Variants in HECTD3 observed in about 807,000 individuals in gnomAD.
HECTD3 encodes the protein E3 ubiquitin-protein ligase HECTD3.
A neutral mutation model predicts 109.3 loss-of-function variants in HECTD3; 72 were observed. The observed-to-expected ratio is 0.66, with a 90% CI of 0.54 to 0.80. The LOEUF is 0.80. Ranked by LOEUF, HECTD3 falls within the 30% of genes least tolerant of loss-of-function variation. HECTD3 has a pLI of 0.00. For missense variants in HECTD3, 1,041 were observed against 1,165.2 expected, an observed-to-expected ratio of 0.89 and a Z score of 1.55; for synonymous variants, 481 against 471.8, an observed-to-expected ratio of 1.02 and a Z score of -0.25.
rs1342812178 is a variant in HECTD3, at chr1:45,010,662, G to C, written c.414C>G (p.Gly138=). Reference sequence around the variant, plus strand: ...CCGCCGGGCGGCACACCAGCAGCCAGCCTTCCTGCAGCCCGCAGTCGCCCA... The same window carrying C: ...CCGCCGGGCGGCACACCAGCAGCCACCCTTCCTGCAGCCCGCAGTCGCCCA... ...EHLGDCGLQE[G]WLLVCRPAEG... Residue 138 remains glycine (G), a synonymous_variant, in exon 2 of 21, where the codon GGC becomes GGG. Transcript: ENST00000372172. 6 of 1,591,204 alleles carry C rather than the reference G, an allele frequency of 3.8e-6. No homozygotes were observed. Among genetic ancestry groups the C allele is most frequent in the African/African-American group, 1.3e-5 (1 of 74,562 alleles).
chr1:45,002,578 A>G lies in HECTD3; in HGVS notation c.*914T>C, dbSNP rs1422354766. On this transcript the variant is annotated 3_prime_UTR_variant, in exon 21 of 21. Transcript: ENST00000372172. ...TCATCCATTTATTCAACTTTCCGGT[A>G]TGCAAGAACTTCTTTTCATGGAGTG... 2.0e-5 allele frequency: 3 copies of G among 152,282 alleles called. No individual in the cohort carries two copies. 9.4% of individuals were successfully genotyped at this position (152,282 alleles called of 1,614,324 possible).
Position 45,011,196 on chromosome 1 carries a change from C to A in HECTD3, c.62G>T (p.Arg21Leu). The A allele has an allele frequency of 6.8e-7, 1 of 1,464,256 alleles. No homozygotes were observed. The allele number at this position is 1,464,256 out of a possible 1,614,324, so 90.7% of individuals were successfully genotyped here. A position where few individuals can be genotyped will look rare whatever the true frequency, so the allele number is the denominator to read the frequency against. Residue 21 changes from arginine to leucine, a missense_variant, in exon 1 of 21, where the codon CGC (arginine) becomes CTC (leucine). Physicochemically the swap from Arg to Leu is moderately radical, Grantham distance 102. Coordinates refer to ENST00000372172, the MANE Select transcript of HECTD3 (RefSeq NM_024602.6). ...ESPRQLLGRV[R>L]FLAEAARSLR... The stretch of plus-strand genomic sequence containing the variant: ...GCTCCGCGCTGCCTCTGCCAAGAAG[C>A]GCACGCGGCCCAGCAGCTGCCGGGG...
In HECTD3 at chr1:45,009,157, G is replaced by A. The variant is rs780488393; in HGVS notation, c.1059C>T (p.Ile353=). ...CTTAAACCTCACCTCGGCACTCCAC[G>A]ATGCGGATCTCGATGATCGGGAGGT... ...TVHLPIIEIR[I]VECRDDGIDV... Residue 353 remains isoleucine (I), a synonymous_variant, in exon 7 of 21, where the codon ATC becomes ATT. Transcript: ENST00000372172. The A allele has an allele frequency of 3.7e-6, 6 of 1,613,728 alleles. No individual in the cohort carries two copies. Among genetic ancestry groups the A allele is most frequent in the South Asian group, 1.1e-5 (1 of 91,060 alleles).
intron 2 of HECTD3, 37 bp downstream of exon 2, chr1:45,010,509 C>A (rs1644779255): frequency 1.2e-6 from 2 of 1,611,932 alleles, no homozygotes; most frequent in Non-Finnish European, 1.7e-6. Context: ...CTGGCCCGGC[C>A]TTCTGACAGC....
Position 45,005,787 on chromosome 1 carries a change from T to A in HECTD3, c.1935+7A>T. 1.3e-6 allele frequency: 2 copies of A among 1,579,772 alleles called. No homozygotes were observed. The highest frequency in any genetic ancestry group is 8.6e-7 in the Non-Finnish European group (1 of 1,164,920). On this transcript the variant is annotated splice_region_variant and intron_variant, in intron 15 of 20. Coordinates refer to ENST00000372172, the MANE Select transcript of HECTD3 (RefSeq NM_024602.6). ...CAGAGGAAACACTGGTTCCAGGTCC[T>A]ACTCACCAGCACAGAGTCCACAGCT...
In HECTD3 at chr1:45,007,396, C is replaced by T; in HGVS notation, c.1503+17G>A. The T allele has an allele frequency of 6.2e-7, 1 of 1,613,702 alleles. No homozygotes were observed. Among genetic ancestry groups the T allele is most frequent in the Non-Finnish European group, 8.5e-7 (1 of 1,179,776 alleles). ...CTTGACTGATCCTATCTCAGTCGGA[C>T]CCTAGGTGGTGCAGACCTGGGTGAA... On this transcript the variant is annotated intron_variant, in intron 10 of 20. Transcript: ENST00000372172.
At position 45,009,642 on chromosome 1, in the gene HECTD3, A is replaced by G. The variant is rs546840543; in HGVS notation, c.801T>C (p.Asp267=). 2 of 1,614,106 alleles carry G rather than the reference A, an allele frequency of 1.2e-6. No individual in the cohort carries two copies. Among genetic ancestry groups the G allele is most frequent in the East Asian group, 2.2e-5 (1 of 44,880 alleles). The change falls in exon 5 of 21, where the codon GAT becomes GAC. Residue 267 remains aspartate (D), a synonymous_variant. Transcript: ENST00000372172. ...GGGACCCATCGCTCTCCCAGTAGGT[A>G]TCGGCATTGCTGTCTGTCAGGCAGG... ...NVSCLTDSNA[D]TYWESDGSQC... is the part of the protein sequence containing the mutation.
Position 45,007,003 on chromosome 1 carries a change from G to A in HECTD3, c.1569C>T (p.Arg523=), listed in dbSNP as rs891477230. The part of the protein sequence containing the change: ...EKPLDYRWPM[R]YDQWWECKFI... ...ATTTACACTCCCACCACTGGTCATA[G>A]CGCATGGGCCACCTGCAAAAAACGT... is the stretch of plus-strand genomic sequence containing the variant. The change falls in exon 12 of 21, where the codon CGC becomes CGT. Residue 523 remains arginine (R), a synonymous_variant. Transcript: ENST00000372172. 1 of 1,614,092 alleles carries A rather than the reference G, an allele frequency of 6.2e-7. No homozygotes were observed.
Position 45,010,309 on chromosome 1 carries a change from A to G in HECTD3, c.531-16T>C. 1.9e-6 allele frequency: 3 copies of G among 1,610,718 alleles called. No individual in the cohort carries two copies. Among genetic ancestry groups the G allele is most frequent in the Non-Finnish European group, 2.5e-6 (3 of 1,177,082 alleles). ...CTGTTCCCACCTGTGGGCACAGAGTAGGGAGTGGGATGGGGAGACATCAGC... is the reference window on the plus strand; with the variant it reads ...CTGTTCCCACCTGTGGGCACAGAGTGGGGAGTGGGATGGGGAGACATCAGC... On this transcript the variant is annotated splice_polypyrimidine_tract_variant and intron_variant, in intron 2 of 20. Coordinates refer to ENST00000372172, the MANE Select transcript of HECTD3 (RefSeq NM_024602.6).
In HECTD3 at chr1:45,009,128, T is replaced by TA; in HGVS notation, c.1072+15dup. The TA allele has an allele frequency of 1.2e-6, 2 of 1,606,788 alleles. No homozygotes were observed. The highest frequency in any genetic ancestry group is 1.7e-6 in the Non-Finnish European group (2 of 1,173,340). On this transcript the variant is annotated intron_variant, in intron 7 of 20. Transcript: ENST00000372172. ...ACGCCGGGCTCTCTTTCCCTCCTTATAGCCTTAAACCTCACCTCGGCACTC... is the reference window on the plus strand; with the variant it reads ...ACGCCGGGCTCTCTTTCCCTCCTTATAAGCCTTAAACCTCACCTCGGCACTC...
chr1:45,009,707 G>T, intron 4 of HECTD3, 24 bp from the exon 5 acceptor site: 1 of 1,552,496 alleles, frequency 6.4e-7, no homozygotes, highest in Non-Finnish European at 8.9e-7. Context: ...GAGACGTGAA[G>T]TCAGCAGTTA....
intron 6 of HECTD3, 47 bp from the exon 7 acceptor site, chr1:45,009,273 C>T (rs1446338700): frequency 6.4e-7 from 1 of 1,553,860 alleles, no homozygotes. Context: ...TGCCTCAGGC[C>T]TTCAGAGACT....
intron 11 of HECTD3, 48 bp downstream of exon 11, chr1:45,007,171 T>C (rs751531142): frequency 6.6e-7 from 1 of 1,514,312 alleles, no homozygotes; most frequent in Non-Finnish European, 9.1e-7. Context: ...TGTGTGTTTG[T>C]GTGCACAAAC....
At chr1:45,009,056 G>T in intron 7 of HECTD3, 88 bp downstream of exon 7, 1 of 1,107,052 alleles carries the variant, frequency 9.0e-7, no homozygotes. Context: ...CCAACTCCAA[G>T]CCCATCCTCT....
Position 45,005,984 on chromosome 1 carries a change from T to C in HECTD3, c.1845+13A>G. The C allele has an allele frequency of 6.2e-7, 1 of 1,613,488 alleles. No homozygotes were observed. Among genetic ancestry groups the C allele is most frequent in the Non-Finnish European group, 8.5e-7 (1 of 1,179,584 alleles). ...AGGGCTGATCGGACGGGGGTGTGGA[T>C]AAGGCTACTCACCAGGAACTCCTTA... On this transcript the variant is annotated intron_variant, in intron 14 of 20. Coordinates refer to ENST00000372172, the MANE Select transcript of HECTD3 (RefSeq NM_024602.6).
chr1:45,008,418 G>A, intron 8 of HECTD3, 97 bp from the exon 9 acceptor site: 1 of 1,483,688 alleles, frequency 6.7e-7, no homozygotes, highest in Non-Finnish European at 9.4e-7. Context: ...AGGACCTGGG[G>A]GCTTCTCTGA....
At position 45,010,216 on chromosome 1, in the gene HECTD3, G is replaced by C; in HGVS notation, c.608C>G (p.Ala203Gly). 2 of 1,613,984 alleles carry C rather than the reference G, an allele frequency of 1.2e-6. No homozygotes were observed. Among genetic ancestry groups the C allele is most frequent in the South Asian group, 1.1e-5 (1 of 91,070 alleles). ...RPQPAEAYAE[A>G]VQRLLYVPPT... ...GCTCACTCACAGTAGCCTTTGTACAGCTTCTGCGTATGCCTCTGCCGGCTG... is the reference window on the plus strand; with the variant it reads ...GCTCACTCACAGTAGCCTTTGTACACCTTCTGCGTATGCCTCTGCCGGCTG... The change falls in exon 3 of 21, where the codon GCT becomes GGT. Residue 203 changes from alanine (A) to glycine (G), a missense_variant. Around this residue, in one of 2 missense-constraint regions of HECTD3, gnomAD observed 472 missense variants for 449.9 expected, o/e 1.05. Transcript: ENST00000372172.
Position 45,004,650 on chromosome 1 carries a change from G to A in HECTD3, c.2092C>T (p.Arg698Cys), listed in dbSNP as rs903219784. 1.5e-5 allele frequency: 25 copies of A among 1,614,084 alleles called. No individual in the cohort carries two copies. The highest frequency in any genetic ancestry group is 1.9e-5 in the Non-Finnish European group (23 of 1,180,050). The change falls in exon 16 of 21, where the codon CGT becomes TGT. Residue 698 changes from arginine (R) to cysteine (C), a missense_variant. Arg to Cys is a radical substitution (Grantham distance 180). Transcript: ENST00000372172. Reference protein sequence around the residue: ...GIVVGYGDRSRFIQLVQKARL... With the variant: ...GIVVGYGDRSCFIQLVQKARL... ...GCCTTCTGGACCAGTTGGATGAAACGAGAACGGTCCCCATATCCCACGACG... is the reference window on the plus strand; with the variant it reads ...GCCTTCTGGACCAGTTGGATGAAACAAGAACGGTCCCCATATCCCACGACG...
chr1:45,003,863 G>T lies in HECTD3; in HGVS notation c.2421C>A (p.Asp807Glu). ...RLPARIYIYP[D>E]KLGYETTDAL... ...CTCCCTCCAGCACTCACCCCAGCTT[G>T]TCTGGGTAGATGTAGATCCGTGCTG... Residue 807 changes from aspartate to glutamate, a missense_variant, in exon 19 of 21, where the codon GAC (aspartate) becomes GAA (glutamate). By Grantham distance (45) the Asp-to-Glu change is conservative (BLOSUM62 2). Transcript: ENST00000372172. The surrounding 1 kb of genome is among the most constrained non-coding windows in gnomAD (Gnocchi z 4.7). 1 of 1,613,214 alleles carries T rather than the reference G, an allele frequency of 6.2e-7. No homozygotes were observed. The highest frequency in any genetic ancestry group is 8.5e-7 in the Non-Finnish European group (1 of 1,179,432).
Sources: gnomAD v4.1 joint callset for allele counts on GRCh38, gnomAD v4.1.1 for gene constraint, gnomAD v4.1.1 regional missense constraint, Gnocchi (gnomAD v3.1) non-coding constraint, MANE v1.5 for transcripts, NCBI Gene and HGNC (gene_info 2026-07-23, HGNC 2026-07-21) for gene names.